The following BCAS3 variants were observed in gnomAD, a reference collection of about 807,000 sequenced individuals.
BCAS3 encodes the protein BCAS4/BCAS3 fusion.
In BCAS3, 53 loss-of-function variants were observed where a neutral mutation model predicts 116.1. The observed-to-expected ratio is 0.46, with a 90% CI of 0.37 to 0.57. The LOEUF (loss-of-function observed/expected upper bound fraction) is 0.57, where lower values mean the gene tolerates loss of function less well. Among genes scored for constraint, BCAS3 ranks in the 20% least tolerant of loss-of-function variants. The probability of loss-of-function intolerance (pLI) is 0.00; values close to 1 mark genes in which losing one functional copy is unlikely to be tolerated. For missense variants in BCAS3, 917 were observed against 1,165.4 expected, an observed-to-expected ratio of 0.79 and a Z score of 3.10; for synonymous variants, 391 against 408.2, an observed-to-expected ratio of 0.96 and a Z score of 0.51.
rs1188928871 is a variant in BCAS3, at chr17:60,994,098, T to C, written c.1486+3863T>C. 6.6e-6 allele frequency among the ~76,000 whole-genome samples: 1 copy of C among 152,048 alleles called. No individual in the cohort carries two copies. Among genetic ancestry groups the C allele is most frequent in the East Asian group, 1.9e-4 (1 of 5,190 alleles). ...TTTTGTTATGAACATGGAAAATACATGACAAAAACATTAACAGTGCTTGTG... is the reference window on the plus strand; with the variant it reads ...TTTTGTTATGAACATGGAAAATACACGACAAAAACATTAACAGTGCTTGTG... On this transcript the variant is annotated intron_variant, in intron 15 of 23. Transcript: ENST00000407086. The surrounding 1 kb of genome is among the most constrained non-coding windows in gnomAD (Gnocchi z 4.4).
intron 22 of BCAS3, among the ~76,000 whole-genome samples, chr17:61,290,499 A>T (rs1024002837): frequency 2.6e-5 from 4 of 152,226 alleles, no homozygotes; most frequent in African/African-American, 9.6e-5. Flanking sequence ...GCACTTACTA[A>T]CCAAAAATAA....
intron 15 of BCAS3, among the ~76,000 whole-genome samples, chr17:61,005,578 C>T (rs964369292): frequency 1.3e-5 from 2 of 151,886 alleles, no homozygotes; most frequent in Non-Finnish European, 2.9e-5. Flanking sequence ...TTCTCATGAC[C>T]TGCGTCATGA....
At chr17:60,740,510 A>AAAAG (rs1412297789) in intron 5 of BCAS3, among the ~76,000 whole-genome samples, 5 of 151,536 alleles carry the variant, frequency 3.3e-5, no homozygotes, top group African/African-American at 1.2e-4. Flanking sequence ...AAAAAAAAAA[A>AAAAG]AAAAAGAAAA....
At chr17:60,913,199 AAT>A (rs2058607955) in intron 12 of BCAS3, among the ~76,000 whole-genome samples, 2 of 152,106 alleles carry the variant, frequency 1.3e-5, no homozygotes. Context: ...TATTAAGAAG[AAT>A]CATAGAAATG....
Position 61,388,535 on chromosome 17 carries a change from C to T in BCAS3, c.2594-3442C>T. Reference sequence around the variant, plus strand: ...CCCTGCGCCTCCTGACACCTCTCCACCTGCTTGCAGAGATCAGTGTACTTC... The same window carrying T: ...CCCTGCGCCTCCTGACACCTCTCCATCTGCTTGCAGAGATCAGTGTACTTC... On this transcript the variant is annotated intron_variant, in intron 23 of 23. Coordinates refer to ENST00000407086, the MANE Select transcript of BCAS3 (RefSeq NM_017679.5). This position sits in a 1 kb window ranked among gnomAD's most constrained non-coding sequence, Gnocchi z 6.5. 1 of 1,368,482 alleles carries T rather than the reference C, an allele frequency of 7.3e-7. No homozygotes were observed. The allele number at this position is 1,368,482 out of a possible 1,614,324, so 84.8% of individuals were successfully genotyped here.
At chr17:61,157,290 A>G (rs1263179327) in intron 22 of BCAS3, among the ~76,000 whole-genome samples, 2 of 152,190 alleles carry the variant, frequency 1.3e-5, no homozygotes, top group Non-Finnish European at 2.9e-5. Flanking sequence ...AGGTATAAAA[A>G]TGTCTTTTAT....
chr17:61,030,401 G>A (rs1401865948), intron 16 of BCAS3, among the ~76,000 whole-genome samples: 1 of 151,934 alleles, frequency 6.6e-6, no homozygotes, highest in East Asian at 1.9e-4. Context: ...TCTCTTTGCA[G>A]TTGGGTGTGG....
intron 14 of BCAS3, among the ~76,000 whole-genome samples, chr17:60,976,451 T>C (rs1019335221): frequency 6.6e-6 from 1 of 150,634 alleles, no homozygotes; most frequent in Non-Finnish European, 1.5e-5. Flanking sequence ...ATTTTTTTTT[T>C]AGTATTTATT....
chr17:61,087,521 G>T lies in BCAS3; in HGVS notation c.2425+2957G>T, dbSNP rs1188728040. 6.6e-6 allele frequency: 1 copy of T among 152,190 alleles called. No homozygotes were observed. Among genetic ancestry groups the T allele is most frequent in the African/African-American group, 2.4e-5 (1 of 41,412 alleles). The allele number at this position is 152,190 out of a possible 1,614,324, so 9.4% of individuals were successfully genotyped here. On this transcript the variant is annotated intron_variant, in intron 22 of 23. Coordinates refer to ENST00000407086, the MANE Select transcript of BCAS3 (RefSeq NM_017679.5). The surrounding 1 kb of genome is among the most constrained non-coding windows in gnomAD (Gnocchi z 4.6). The stretch of plus-strand genomic sequence containing the variant: ...AATATTTTATTTAAATCTTGGGTCT[G>T]CAGTTTATTTTCTAGATATCTATGT...
rs759946521 is a variant in BCAS3, at chr17:61,285,246, T to C, written c.2426-83081T>C. On this transcript the variant is annotated intron_variant, in intron 22 of 23. Transcript: ENST00000407086. This position sits in a 1 kb window ranked among gnomAD's most constrained non-coding sequence, Gnocchi z 5.4. ...TCCTCCTAGGTTGTGTGTGTGTGTGTGTGTGTGTGTGTTTCTTGCTAAAAT... is the reference window on the plus strand; with the variant it reads ...TCCTCCTAGGTTGTGTGTGTGTGTGCGTGTGTGTGTGTTTCTTGCTAAAAT... Among the ~76,000 whole-genome samples the C allele has an allele frequency of 3.2e-4, 49 of 152,062 alleles. No homozygotes were observed. The highest frequency in any genetic ancestry group is 5.0e-4 in the Non-Finnish European group (34 of 68,010).
intron 7 of BCAS3, among the ~76,000 whole-genome samples, chr17:60,835,660 A>G (rs1291780584): frequency 6.6e-6 from 1 of 152,070 alleles, no homozygotes; most frequent in Non-Finnish European, 1.5e-5. Context: ...GCTGCAATAA[A>G]AGAAAGAAAG....
intron 9 of BCAS3, among the ~76,000 whole-genome samples, chr17:60,881,644 T>G (rs1236953321): frequency 2.2e-5 from 3 of 136,180 alleles, no homozygotes; most frequent in Admixed American, 8.6e-5. Context: ...CCTGTGTCCA[T>G]GTGATCTCAT....
At chr17:61,329,419 CA>C (rs2056052442) in intron 22 of BCAS3, among the ~76,000 whole-genome samples, 2 of 150,742 alleles carry the variant, frequency 1.3e-5, no homozygotes, top group Non-Finnish European at 2.9e-5. Flanking sequence ...CGGCTCACTG[CA>C]AGCTCCGCCT....
In BCAS3 at chr17:61,300,020, G is replaced by C. The variant is rs2053301664; in HGVS notation, c.2426-68307G>C. ...GATATTTTCATTCATCTGGTATCCA[G>C]ATGATCTCCCTTGATTCTGACAGTT... On this transcript the variant is annotated intron_variant, in intron 22 of 23. Coordinates refer to ENST00000407086, the MANE Select transcript of BCAS3 (RefSeq NM_017679.5). The surrounding 1 kb of genome is among the most constrained non-coding windows in gnomAD (Gnocchi z 5.1). Among the ~76,000 whole-genome samples, 1 of 152,208 alleles carries C rather than the reference G, an allele frequency of 6.6e-6. No individual in the cohort carries two copies. Among genetic ancestry groups the C allele is most frequent in the Non-Finnish European group, 1.5e-5 (1 of 68,040 alleles).
intron 3 of BCAS3, 131 bp downstream of exon 3, chr17:60,684,167 T>A (rs1463868090): frequency 2.6e-6 from 2 of 766,002 alleles, no homozygotes; most frequent in Non-Finnish European, 4.4e-6. Flanking sequence ...TGAGCATTCG[T>A]AGGGTGGGAC....
At chr17:60,684,874 TCC>T (rs2033788810) in intron 3 of BCAS3, among the ~76,000 whole-genome samples, 1 of 151,884 alleles carries the variant, frequency 6.6e-6, no homozygotes, top group Non-Finnish European at 1.5e-5. Context: ...TATGAGAGGA[TCC>T]TAGAAAACAC....
intron 22 of BCAS3, among the ~76,000 whole-genome samples, chr17:61,331,923 T>C (rs2056326678): frequency 6.6e-6 from 1 of 152,192 alleles, no homozygotes; most frequent in South Asian, 2.1e-4. Flanking sequence ...ACTGAGCCCA[T>C]GATGGGCTCG....
At chr17:60,909,760 T>G (rs1236125455) in intron 11 of BCAS3, among the ~76,000 whole-genome samples, 2 of 152,172 alleles carry the variant, frequency 1.3e-5, no homozygotes, top group African/African-American at 4.8e-5. Flanking sequence ...TCAGAGGATA[T>G]TCACATAGAA....
rs566580368 is a variant in BCAS3 at position 61,083,619 on chromosome 17, G to A, written c.2328-848G>A. On this transcript the variant is annotated intron_variant, in intron 21 of 23. Coordinates refer to ENST00000407086, the MANE Select transcript of BCAS3 (RefSeq NM_017679.5). This position sits in a 1 kb window ranked among gnomAD's most constrained non-coding sequence, Gnocchi z 4.9. ...ATTCTTTTTTTTTTTTTTTTGAGAC[G>A]GAGTCTTGCTCTGTCACCCAGGCTG... Among the ~76,000 whole-genome samples the A allele has an allele frequency of 1.3e-3, 192 of 146,952 alleles. 3 individuals are homozygous for A. In the South Asian group the frequency reaches 0.026, roughly 20 times the overall value.
Sources: gnomAD v4.1 joint callset for allele counts (sites outside exome capture counted in the v4.1 genomes callset) on GRCh38, gnomAD v4.1.1 for gene constraint, Gnocchi (gnomAD v3.1) non-coding constraint, MANE v1.5 for transcripts, NCBI Gene and HGNC (gene_info 2026-07-23, HGNC 2026-07-21) for gene names.